Variants in KCNIP4 observed in about 807,000 individuals in gnomAD.
The protein encoded by KCNIP4 is potassium voltage-gated channel interacting protein 4.
KCNIP4 carries 12 observed loss-of-function variants against 34.0 expected under a neutral mutation model. The observed-to-expected ratio is 0.35, with a 90% CI of 0.23 to 0.57. KCNIP4 has a LOEUF of 0.57. Ranked by LOEUF, KCNIP4 falls within the 20% of genes least tolerant of loss-of-function variation. The pLI, the probability that KCNIP4 is intolerant of heterozygous loss-of-function variation, is 0.83. For missense variants in KCNIP4, 238 were observed against 311.7 expected, an observed-to-expected ratio of 0.76 and a Z score of 1.78; for synonymous variants, 124 against 102.2, an observed-to-expected ratio of 1.21 and a Z score of -1.29.
intron 3 of KCNIP4, among the ~76,000 whole-genome samples, chr4:20,802,251 T>C (rs1485024459): frequency 2.0e-5 from 3 of 147,460 alleles, no homozygotes; most frequent in Admixed American, 1.4e-4. Context: ...GCTATATATA[T>C]GCTACATATA....
chr4:20,749,808 T>C, intron 4 of KCNIP4, 76 bp from the exon 5 acceptor site: 1 of 924,388 alleles, frequency 1.1e-6, no homozygotes, highest in Non-Finnish European at 1.7e-6. Context: ...CAGTCCAAGC[T>C]TCCTTTGATC....
At chr4:21,190,789 C>T (rs61302024) in intron 1 of KCNIP4, among the ~76,000 whole-genome samples, 5,132 of 152,236 alleles carry the variant, frequency 0.034, 279 homozygotes, top group African/African-American at 0.12. Context: ...TATTCTTCCA[C>T]CTCTCAAGTC....
chr4:21,237,792 C>A (rs1423682324), intron 1 of KCNIP4, among the ~76,000 whole-genome samples: 1 of 152,160 alleles, frequency 6.6e-6, no homozygotes, highest in Non-Finnish European at 1.5e-5. Context: ...CCGAATTCTA[C>A]CAGAGGTACA....
Position 21,535,708 on chromosome 4 carries a change from A to C in KCNIP4, c.61+412863T>G, listed in dbSNP as rs897728492. Among the ~76,000 whole-genome samples the C allele has an allele frequency of 6.6e-5, 10 of 152,200 alleles. No individual in the cohort carries two copies. The East Asian group carries it at 1.9e-3, about 29-fold the overall frequency. On this transcript the variant is annotated intron_variant, in intron 1 of 8. Coordinates refer to ENST00000382152, the MANE Select transcript of KCNIP4 (RefSeq NM_025221.6). ...ACATACTTCTATATGAATTGGAGAA[A>C]TGAAATGTGCTCCATAGTTTATGTT...
chr4:21,045,773 A>G (rs1365315842), intron 1 of KCNIP4, among the ~76,000 whole-genome samples: 1 of 152,238 alleles, frequency 6.6e-6, no homozygotes, highest in Admixed American at 6.5e-5. Context: ...ATACAGCATT[A>G]AAAACATAAT....
chr4:21,425,506 G>C (rs1398728897), intron 1 of KCNIP4, among the ~76,000 whole-genome samples: 2 of 152,014 alleles, frequency 1.3e-5, no homozygotes, highest in East Asian at 3.9e-4. Context: ...ATTTATTTAA[G>C]TAAAAGTAAT....
At chr4:21,655,302 A>T (rs1747834013) in intron 1 of KCNIP4, among the ~76,000 whole-genome samples, 1 of 152,098 alleles carries the variant, frequency 6.6e-6, no homozygotes, top group Non-Finnish European at 1.5e-5. Context: ...CTGCAATGCA[A>T]GCCAAAGAAC....
intron 1 of KCNIP4, among the ~76,000 whole-genome samples, chr4:21,102,597 C>T (rs1303284726): frequency 6.6e-6 from 1 of 152,098 alleles, no homozygotes; most frequent in Non-Finnish European, 1.5e-5. Flanking sequence ...ACATATAAAT[C>T]AATAATGAAT....
At chr4:21,624,825 C>G (rs373567217) in intron 1 of KCNIP4, among the ~76,000 whole-genome samples, 4 of 152,232 alleles carry the variant, frequency 2.6e-5, no homozygotes, top group East Asian at 1.9e-4. Context: ...GCTTCTCCCC[C>G]ACTTATTATG....
At chr4:21,222,868 AGTT>A (rs1283878732) in intron 1 of KCNIP4, among the ~76,000 whole-genome samples, 1 of 152,202 alleles carries the variant, frequency 6.6e-6, no homozygotes, top group Admixed American at 6.5e-5. Flanking sequence ...ACAGGAGGCA[AGTT>A]GTTGGCATAT....
intron 1 of KCNIP4, among the ~76,000 whole-genome samples, chr4:20,936,083 GTT>G (rs34140438): frequency 6.7e-6 from 1 of 149,324 alleles, no homozygotes; most frequent in Admixed American, 6.7e-5. Context: ...GAAAGATACA[GTT>G]TTTTTTTTAA....
intron 1 of KCNIP4, among the ~76,000 whole-genome samples, chr4:21,282,034 C>T (rs1762808746): frequency 6.6e-6 from 1 of 152,152 alleles, no homozygotes; most frequent in Non-Finnish European, 1.5e-5. Flanking sequence ...TTCTAGGCAA[C>T]AGGATGTGAT....
intron 1 of KCNIP4, among the ~76,000 whole-genome samples, chr4:21,811,649 A>G (rs1400491093): frequency 4.6e-5 from 7 of 152,218 alleles, no homozygotes; most frequent in African/African-American, 9.6e-5. Flanking sequence ...ACAGCCTTGT[A>G]GACACATCTG....
intron 1 of KCNIP4, among the ~76,000 whole-genome samples, chr4:21,909,436 G>A (rs919228771): frequency 1.1e-4 from 17 of 152,024 alleles, no homozygotes; most frequent in Non-Finnish European, 2.4e-4. Context: ...AACTCCATCT[G>A]AAAAGCCTAT....
At chr4:20,852,824 C>T (rs1372874801) in intron 2 of KCNIP4, among the ~76,000 whole-genome samples, 1 of 152,160 alleles carries the variant, frequency 6.6e-6, no homozygotes, top group Non-Finnish European at 1.5e-5. Context: ...CTCTTCTATA[C>T]ACTAACAGTG....
chr4:21,033,845 G>A (rs180914472), intron 1 of KCNIP4, among the ~76,000 whole-genome samples: 17 of 152,252 alleles, frequency 1.1e-4, no homozygotes, highest in Admixed American at 8.5e-4. Flanking sequence ...TAATAAGCAA[G>A]CATTCTGCTT....
At chr4:21,553,092 C>A (rs936110867) in intron 1 of KCNIP4, among the ~76,000 whole-genome samples, 1 of 150,194 alleles carries the variant, frequency 6.7e-6, no homozygotes, top group Non-Finnish European at 1.5e-5. Flanking sequence ...AAGGGCCAGG[C>A]AATGCAGACT....
intron 1 of KCNIP4, among the ~76,000 whole-genome samples, chr4:21,856,449 C>T (rs558494574): frequency 9.8e-5 from 15 of 152,290 alleles, no homozygotes; most frequent in Non-Finnish European, 1.3e-4. Flanking sequence ...CCGCATGCGG[C>T]GGGAGAGGAC....
intron 1 of KCNIP4, among the ~76,000 whole-genome samples, chr4:21,654,126 A>G (rs1159287383): frequency 6.6e-6 from 1 of 152,226 alleles, no homozygotes; most frequent in African/African-American, 2.4e-5. Context: ...GCTCAATCAA[A>G]TGTGGATAAA....
Sources: allele counts gnomAD v4.1 joint callset (sites outside exome capture counted in the v4.1 genomes callset), GRCh38; gene constraint gnomAD v4.1.1; transcripts MANE v1.5; gene names NCBI Gene and HGNC (gene_info 2026-07-23, HGNC 2026-07-21).